MAP2: variants seen among roughly 807,000 people sequenced by gnomAD.
MAP2 encodes microtubule-associated protein 2.
Under a neutral mutation model 137.6 loss-of-function variants are expected in MAP2, and 14 were observed. The ratio of observed to expected loss-of-function variants is 0.10; its 90% CI spans 0.07 to 0.16. MAP2 has a LOEUF of 0.16. Among genes scored for constraint, MAP2 ranks in the 10% least tolerant of loss-of-function variants. The probability of loss-of-function intolerance (pLI) is 1.00; values close to 1 mark genes in which losing one functional copy is unlikely to be tolerated. For synonymous variants in MAP2, 786 were observed against 782.3 expected (o/e 1.00, Z -0.08); for missense variants, 2,088 against 2,191.5 (o/e 0.95, Z 0.94).
chr2:209,687,473 C>T (rs571492337), intron 7 of MAP2, among the ~76,000 whole-genome samples: 2 of 152,112 alleles, frequency 1.3e-5, no homozygotes, highest in African/African-American at 4.8e-5. Context: ...GCTGTCAATG[C>T]TTTTGGTTCA....
intron 5 of MAP2, among the ~76,000 whole-genome samples, chr2:209,667,228 T>C (rs1321961696): frequency 1.2e-4 from 18 of 152,112 alleles, no homozygotes; most frequent in Admixed American, 1.0e-3. Context: ...ATGTCATTCC[T>C]GCCTCTTTGT....
At chr2:209,555,833 C>T (rs2070434599) in intron 2 of MAP2, among the ~76,000 whole-genome samples, 1 of 152,034 alleles carries the variant, frequency 6.6e-6, no homozygotes, top group Non-Finnish European at 1.5e-5. Flanking sequence ...TATTCTACTC[C>T]CATCCTTCAA....
chr2:209,557,847 T>C (rs1010429787), intron 2 of MAP2, among the ~76,000 whole-genome samples: 4 of 152,170 alleles, frequency 2.6e-5, no homozygotes, highest in Non-Finnish European at 5.9e-5. Context: ...CGGCTTATCC[T>C]CCTCTGTACT....
intron 1 of MAP2, among the ~76,000 whole-genome samples, chr2:209,434,831 C>CTA (rs1420606059): frequency 9.2e-4 from 102 of 110,430 alleles, no homozygotes; most frequent in Middle Eastern, 8.8e-3. Context: ...CTCTCTCTCT[C>CTA]TCTATATATA....
chr2:209,712,660 A>C (rs2065896884), intron 13 of MAP2, among the ~76,000 whole-genome samples: 1 of 152,178 alleles, frequency 6.6e-6, no homozygotes. Flanking sequence ...TTGTAGGAAA[A>C]ACATATCATT....
At chr2:209,520,937 T>C (rs1004663864) in intron 2 of MAP2, among the ~76,000 whole-genome samples, 2 of 152,106 alleles carry the variant, frequency 1.3e-5, no homozygotes, top group African/African-American at 4.8e-5. Flanking sequence ...GCAGTATTTT[T>C]GCAATACCAT....
At chr2:209,430,112 A>C (rs1205052015) in intron 1 of MAP2, among the ~76,000 whole-genome samples, 2 of 150,572 alleles carry the variant, frequency 1.3e-5, no homozygotes, top group Non-Finnish European at 1.5e-5. Context: ...ACTTTGAAAA[A>C]CAAGCAAAAA....
intron 3 of MAP2, among the ~76,000 whole-genome samples, chr2:209,610,190 C>T (rs928778964): frequency 7.2e-5 from 11 of 151,890 alleles, no homozygotes; most frequent in Non-Finnish European, 1.6e-4. Context: ...GAAGAGCATT[C>T]CAAGCAGAGC....
chr2:209,648,333 T>C (rs1447545166), intron 4 of MAP2, among the ~76,000 whole-genome samples: 3 of 152,110 alleles, frequency 2.0e-5, no homozygotes, highest in African/African-American at 4.8e-5. Context: ...ACTCCTGACC[T>C]CATGATCCAC....
At chr2:209,458,961 G>A (rs1702148063) in intron 1 of MAP2, among the ~76,000 whole-genome samples, 1 of 152,178 alleles carries the variant, frequency 6.6e-6, no homozygotes, top group African/African-American at 2.4e-5. Context: ...TACATGTAAA[G>A]TGCTTAGAAA....
At chr2:209,450,423 A>G (rs1157647034) in intron 1 of MAP2, among the ~76,000 whole-genome samples, 1 of 152,206 alleles carries the variant, frequency 6.6e-6, no homozygotes, top group African/African-American at 2.4e-5. Context: ...TTATAGGCCA[A>G]GTGAAGTCTC....
At chr2:209,626,062 T>A (rs534927818) in intron 4 of MAP2, among the ~76,000 whole-genome samples, 1 of 152,162 alleles carries the variant, frequency 6.6e-6, no homozygotes, top group South Asian at 2.1e-4. Flanking sequence ...GTATTCACTT[T>A]CTTGTTTTTA....
intron 1 of MAP2, among the ~76,000 whole-genome samples, chr2:209,450,383 G>A (rs979659919): frequency 1.3e-5 from 2 of 152,170 alleles, no homozygotes; most frequent in Non-Finnish European, 2.9e-5. Context: ...TCCAGTCATC[G>A]CTTGGCCTCA....
At chr2:209,652,413 T>C (rs2094865856) in intron 4 of MAP2, among the ~76,000 whole-genome samples, 1 of 152,228 alleles carries the variant, frequency 6.6e-6, no homozygotes, top group Admixed American at 6.5e-5. Context: ...TCATTTCCTC[T>C]TAGTCTATAG....
intron 3 of MAP2, among the ~76,000 whole-genome samples, chr2:209,619,281 G>A (rs2090451690): frequency 6.6e-6 from 1 of 152,050 alleles, no homozygotes; most frequent in South Asian, 2.1e-4. Flanking sequence ...GATTGTAAAT[G>A]TTCTCACCAC....
At chr2:209,583,193 C>A (rs756831499) in intron 3 of MAP2, among the ~76,000 whole-genome samples, 15 of 123,844 alleles carry the variant, frequency 1.2e-4, no homozygotes, top group Non-Finnish European at 2.1e-4. Context: ...ATCTGTCTAT[C>A]CTATCTATCT....
intron 2 of MAP2, among the ~76,000 whole-genome samples, chr2:209,523,652 G>A (rs981660655): frequency 6.6e-6 from 1 of 152,188 alleles, no homozygotes; most frequent in Non-Finnish European, 1.5e-5. Flanking sequence ...TAAGGAGCTT[G>A]ACAGGTAAAA....
At chr2:209,538,553 T>TTTTC (rs370133503) in intron 2 of MAP2, among the ~76,000 whole-genome samples, 2 of 149,980 alleles carry the variant, frequency 1.3e-5, no homozygotes, top group African/African-American at 5.0e-5. Flanking sequence ...TTTTTTTTTT[T>TTTTC]CCTCTGTGTA....
chr2:209,665,165 G>T (rs1016341173), intron 5 of MAP2, among the ~76,000 whole-genome samples: 1 of 152,022 alleles, frequency 6.6e-6, no homozygotes, highest in Non-Finnish European at 1.5e-5. Flanking sequence ...TCTGAAATTG[G>T]GAGTGAGAGT....
Sources: allele counts gnomAD v4.1 joint callset (sites outside exome capture counted in the v4.1 genomes callset), GRCh38; gene constraint gnomAD v4.1.1; transcripts MANE v1.5; gene names NCBI Gene and HGNC (gene_info 2026-07-23, HGNC 2026-07-21).